LRCH1: variants seen among roughly 807,000 people sequenced by gnomAD.
The protein encoded by LRCH1 is leucine rich repeats and calponin homology domain containing 1.
Under a neutral mutation model 94.9 loss-of-function variants are expected in LRCH1, and 23 were observed. The ratio of observed to expected loss-of-function variants is 0.24; its 90% CI spans 0.17 to 0.34. The LOEUF is 0.34. LRCH1 is among the 10% of genes least tolerant of loss of function. The pLI is 1.00. For missense variants in LRCH1, 790 were observed against 945.9 expected (o/e 0.84, Z 2.16); for synonymous variants, 364 against 354.9 (o/e 1.03, Z -0.29).
In LRCH1 at chr13:46,742,271, G is replaced by A. The variant is rs1174880300; in HGVS notation, c.*423G>A. The A allele has an allele frequency of 1.9e-5, 20 of 1,049,736 alleles. No homozygotes were observed. Among genetic ancestry groups the A allele is most frequent in the Admixed American group, 9.9e-5 (2 of 20,120 alleles). 65.0% of individuals were successfully genotyped at this position (1,049,736 alleles called of 1,614,324 possible). ...CAGTATTGAACTAGAATTCTAATTC[G>A]GGACTGGGCAATTGAGCTGTATAGG... is the stretch of plus-strand genomic sequence containing the variant. On this transcript the variant is annotated 3_prime_UTR_variant, in exon 20 of 20. Coordinates refer to ENST00000389797, the MANE Select transcript of LRCH1 (RefSeq NM_001164211.2).
intron 1 of LRCH1, among the ~76,000 whole-genome samples, chr13:46,635,894 A>T (rs1167524646): frequency 6.6e-6 from 1 of 151,390 alleles, no homozygotes; most frequent in Non-Finnish European, 1.5e-5. Context: ...CTTCCCCCAT[A>T]CCATGCCCCT....
intron 1 of LRCH1, among the ~76,000 whole-genome samples, chr13:46,632,257 A>G (rs917772106): frequency 2.6e-5 from 4 of 152,048 alleles, no homozygotes; most frequent in African/African-American, 2.4e-5. Flanking sequence ...TGATGTGTAC[A>G]GGACAAAATA....
chr13:46,643,435 T>C (rs753157810), intron 1 of LRCH1, among the ~76,000 whole-genome samples: 1 of 152,222 alleles, frequency 6.6e-6, no homozygotes, highest in Non-Finnish European at 1.5e-5. Context: ...CCTTTCTCTC[T>C]TTTTCTCTCC....
chr13:46,740,304 A>G (rs1427263172), intron 19 of LRCH1, among the ~76,000 whole-genome samples: 1 of 152,252 alleles, frequency 6.6e-6, no homozygotes, highest in African/African-American at 2.4e-5. Flanking sequence ...ACATCTGAAT[A>G]CATATAACAT....
chr13:46,673,138 T>C (rs2051623371), intron 3 of LRCH1, among the ~76,000 whole-genome samples: 4 of 152,198 alleles, frequency 2.6e-5, no homozygotes, highest in South Asian at 4.1e-4. Flanking sequence ...GTGCTTTTTT[T>C]TCATGCTAAG....
At chr13:46,607,837 G>A (rs2050705164) in intron 1 of LRCH1, among the ~76,000 whole-genome samples, 1 of 152,094 alleles carries the variant, frequency 6.6e-6, no homozygotes, top group Non-Finnish European at 1.5e-5. Flanking sequence ...AGACGCAAAG[G>A]CACAGTTCCC....
chr13:46,572,921 G>T lies in LRCH1; in HGVS notation c.307+19218G>T, dbSNP rs117106095. Among the ~76,000 whole-genome samples, 5 of 152,202 alleles carry T rather than the reference G, an allele frequency of 3.3e-5. No individual in the cohort carries two copies. The East Asian group carries it at 9.7e-4, about 29-fold the overall frequency. On this transcript the variant is annotated intron_variant, in intron 1 of 19. Coordinates refer to ENST00000389797, the MANE Select transcript of LRCH1 (RefSeq NM_001164211.2). ...TAGCTTGCAACCACGTTGCCTGGGT[G>T]AGCGACTCCTCCATCTACTGGCCCA...
chr13:46,708,784 T>A (rs1402960116), intron 13 of LRCH1, among the ~76,000 whole-genome samples: 1 of 152,228 alleles, frequency 6.6e-6, no homozygotes, highest in Non-Finnish European at 1.5e-5. Context: ...ATCTTTGCAG[T>A]CAGTTCTAGA....
intron 1 of LRCH1, among the ~76,000 whole-genome samples, chr13:46,557,838 G>A (rs1295051286): frequency 2.6e-5 from 4 of 152,058 alleles, no homozygotes. Flanking sequence ...CAGCCTGGGC[G>A]ACAGAGAGAG....
At chr13:46,614,048 T>C (rs1334899797) in intron 1 of LRCH1, among the ~76,000 whole-genome samples, 6 of 152,182 alleles carry the variant, frequency 3.9e-5, no homozygotes, top group Admixed American at 1.3e-4. Context: ...TTGATATACA[T>C]ATTCCTAGTG....
chr13:46,677,600 A>G (rs1273569336), intron 3 of LRCH1, among the ~76,000 whole-genome samples: 5 of 152,216 alleles, frequency 3.3e-5, no homozygotes, highest in African/African-American at 9.6e-5. Context: ...AAAATATATT[A>G]AACTCCAACA....
rs777701442 is a variant in LRCH1, at chr13:46,650,280, C to T, written c.387C>T (p.His129=). ...CACTGGAAATTCTTAATCTGTATCA[C>T]AACTGTATCAGAGTCATTCCTGAGG... is the stretch of plus-strand genomic sequence containing the variant. The part of the protein sequence containing the change: ...FVSLEILNLY[H]NCIRVIPEAI... Residue 129 remains histidine, a synonymous_variant, in exon 2 of 20, where the codon CAC becomes CAT. Transcript: ENST00000389797. 1 of 1,612,378 alleles carries T rather than the reference C, an allele frequency of 6.2e-7. No homozygotes were observed. Among genetic ancestry groups the T allele is most frequent in the South Asian group, 1.1e-5 (1 of 90,932 alleles).
At chr13:46,626,746 C>T (rs2050955550) in intron 1 of LRCH1, among the ~76,000 whole-genome samples, 1 of 152,110 alleles carries the variant, frequency 6.6e-6, no homozygotes, top group East Asian at 1.9e-4. Context: ...TTTTGTTGCT[C>T]TTCTACTTTT....
chr13:46,671,696 A>G (rs2051603028), intron 3 of LRCH1, among the ~76,000 whole-genome samples: 1 of 152,206 alleles, frequency 6.6e-6, no homozygotes, highest in Admixed American at 6.5e-5. Flanking sequence ...CACAAAATCC[A>G]TGGTTGCTAA....
At chr13:46,579,573 C>G (rs1344667282) in intron 1 of LRCH1, among the ~76,000 whole-genome samples, 1 of 151,578 alleles carries the variant, frequency 6.6e-6, no homozygotes. Context: ...GTTACCAGCT[C>G]TTTTCTTGGA....
chr13:46,595,867 G>T (rs201310356), intron 1 of LRCH1, among the ~76,000 whole-genome samples: 9 of 146,462 alleles, frequency 6.1e-5, no homozygotes, highest in East Asian at 2.0e-4. Flanking sequence ...GCCTCACATT[G>T]TTTTTTTTTT....
Position 46,553,434 on chromosome 13 carries a change from C to T in LRCH1, c.38C>T (p.Pro13Leu). 6.5e-7 allele frequency: 1 copy of T among 1,548,690 alleles called. No homozygotes were observed. Among genetic ancestry groups the T allele is most frequent in the Non-Finnish European group, 8.7e-7 (1 of 1,146,354 alleles). The change falls in exon 1 of 20, where the codon CCG becomes CTG. Residue 13 changes from proline to leucine, a missense_variant. Around this residue, in one of 3 missense-constraint regions of LRCH1, gnomAD observed 136 missense variants for 143.5 expected, o/e 0.95. Transcript: ENST00000389797. ...GGAAGCGAACCCCAACCTTTCGTCC[C>T]GGCCCTTTCGGTAGCTACTCTGCAC... ...TPGSEPQPFV[P>L]ALSVATLHPL...
Position 46,735,788 on chromosome 13 carries a change from C to CTTTTTTTTT in LRCH1, c.2085+1794_2085+1795insTTTTTTTTT, listed in dbSNP as rs1288570749. On this transcript the variant is annotated intron_variant, in intron 19 of 19. Transcript: ENST00000389797. ...AGGTGATTTTCCTTTTTTTCTTTTTCTTTTCTTTTTTTTTTTTTTTTCGAG... is the reference window on the plus strand; with the variant it reads ...AGGTGATTTTCCTTTTTTTCTTTTTCTTTTTTTTTTTTTCTTTTTTTTTTTTTTTTCGAG... Among the ~76,000 whole-genome samples, 3 of 69,916 alleles carry CTTTTTTTTT rather than the reference C, an allele frequency of 4.3e-5. 1 individual carries two copies. The highest frequency in any genetic ancestry group is 2.8e-5 in the Non-Finnish European group (1 of 36,094). 45.9% of individuals were successfully genotyped at this position (69,916 alleles called of 152,430 possible). A position where few individuals can be genotyped will look rare whatever the true frequency, so the allele number is the denominator to read the frequency against.
chr13:46,627,429 G>T (rs1455085189), intron 1 of LRCH1, among the ~76,000 whole-genome samples: 1 of 150,492 alleles, frequency 6.6e-6, no homozygotes, highest in African/African-American at 2.5e-5. Context: ...AATTTGGCCA[G>T]ATTTTAATTT....
Sources: gnomAD v4.1 joint callset for allele counts (sites outside exome capture counted in the v4.1 genomes callset) on GRCh38, gnomAD v4.1.1 for gene constraint, gnomAD v4.1.1 regional missense constraint, MANE v1.5 for transcripts, NCBI Gene and HGNC (gene_info 2026-07-23, HGNC 2026-07-21) for gene names.